The following NPPA variants were observed in gnomAD, a reference collection of about 807,000 sequenced individuals.
NPPA encodes the protein natriuretic peptide A.
In NPPA, 10 loss-of-function variants were observed where a neutral mutation model predicts 12.2. The ratio of observed to expected loss-of-function variants is 0.82; its 90% confidence interval spans 0.50 to 1.38. The LOEUF (loss-of-function observed/expected upper bound fraction) is 1.38, where lower values mean the gene tolerates loss of function less well. Ranked by LOEUF, NPPA falls within the 40% of genes most tolerant of loss-of-function variation. The pLI is 0.00. For missense variants in NPPA, 207 were observed against 193.5 expected (o/e 1.07, Z -0.41); for synonymous variants, 85 against 80.2 (o/e 1.06, Z -0.32).
Position 11,847,384 on chromosome 1 carries a change from G to T in NPPA, c.179C>A (p.Pro60Gln), listed in dbSNP as rs779265393. 1.2e-6 allele frequency: 2 copies of T among 1,614,022 alleles called. No homozygotes were observed. Among genetic ancestry groups the T allele is most frequent in the Non-Finnish European group, 8.5e-7 (1 of 1,179,966 alleles). The change falls in exon 2 of 3, where the codon CCA (proline) becomes CAA (glutamine). Residue 60 changes from proline to glutamine, a missense_variant. Pro to Gln is a moderately conservative substitution (Grantham distance 76, BLOSUM62 -1). Coordinates refer to ENST00000376480, the MANE Select transcript of NPPA (RefSeq NM_006172.4). ...TTCATTCGGCTCACTGAGCACTTGT[G>T]GGGGCACGACCTCATCTTCTAAAGG... ...KMPLEDEVVP[P>Q]QVLSEPNEEA...
chr1:11,845,837 C>G lies in NPPA; in HGVS notation c.*172G>C. ...GGAAGTCACCATCAAACCACTTTAT[C>G]TACAGTTAGCATAAGATGTGAGAAG... On this transcript the variant is annotated 3_prime_UTR_variant, in exon 3 of 3. Transcript: ENST00000376480. 1 of 706,650 alleles carries G rather than the reference C, an allele frequency of 1.4e-6. No individual in the cohort carries two copies. Among genetic ancestry groups the G allele is most frequent in the Non-Finnish European group, 2.6e-6 (1 of 385,712 alleles). 43.8% of individuals were successfully genotyped at this position (706,650 alleles called of 1,614,324 possible).
Position 11,847,582 on chromosome 1 carries a change from C to A in NPPA, c.103G>T (p.Ala35Ser). The stretch of plus-strand genomic sequence containing the variant: ...CCTACCTTGAAATCCATCAGGTCTG[C>A]GTTGGACACGGCATTGTACATGGGA... ...ANPMYNAVSN[A>S]DLMDFKNLLD... The change falls in exon 1 of 3, where the codon GCA becomes TCA. Residue 35 changes from alanine (A) to serine (S), a missense_variant. Transcript: ENST00000376480. 6.2e-7 allele frequency: 1 copy of A among 1,614,166 alleles called. No homozygotes were observed. The highest frequency in any genetic ancestry group is 8.5e-7 in the Non-Finnish European group (1 of 1,180,026).
At chr1:11,846,916 C>T (rs1459259950) in intron 2 of NPPA, among the ~76,000 whole-genome samples, 197 bp downstream of exon 2, 1 of 147,252 alleles carries the variant, frequency 6.8e-6, no homozygotes, top group African/African-American at 2.4e-5. Flanking sequence ...GCCCAGCCCC[C>T]CCCCCTTTTT....
intron 2 of NPPA, among the ~76,000 whole-genome samples, chr1:11,846,318 CTTTT>C (rs71568361): frequency 8.2e-6 from 1 of 121,342 alleles, no homozygotes; most frequent in Non-Finnish European, 1.7e-5. Context: ...GTGGCAGTTG[CTTTT>C]TTTTTTTTTT....
At chr1:11,846,920 C>A (rs948993775) in intron 2 of NPPA, among the ~76,000 whole-genome samples, 193 bp downstream of exon 2, 8 of 146,040 alleles carry the variant, frequency 5.5e-5, no homozygotes, top group South Asian at 4.6e-4. Flanking sequence ...AGCCCCCCCC[C>A]CTTTTTTTTT....
Position 11,847,393 on chromosome 1 carries a change from A to C in NPPA, c.170T>G (p.Val57Gly). The change falls in exon 2 of 3, where the codon GTC (valine) becomes GGC (glycine). Residue 57 changes from valine (V) to glycine (G), a missense_variant. Transcript: ENST00000376480. The part of the protein sequence containing the change: ...LEEKMPLEDE[V>G]VPPQVLSEPN... ...CTCACTGAGCACTTGTGGGGGCACG[A>C]CCTCATCTTCTAAAGGCATCTTTTC... 6.2e-7 allele frequency: 1 copy of C among 1,614,010 alleles called. No individual in the cohort carries two copies. Among genetic ancestry groups the C allele is most frequent in the Non-Finnish European group, 8.5e-7 (1 of 1,179,968 alleles).
chr1:11,847,761 T>A lies in NPPA; in HGVS notation c.-77A>T. 4 of 1,606,310 alleles carry A rather than the reference T, an allele frequency of 2.5e-6. No homozygotes were observed. Among genetic ancestry groups the A allele is most frequent in the Non-Finnish European group, 3.4e-6 (4 of 1,174,926 alleles). On this transcript the variant is annotated 5_prime_UTR_variant, in exon 1 of 3. Transcript: ENST00000376480. ...TGGTTCCTCTCTGGTTCCCCTCTCTTGGCCTACGTCTGTCCCTGTCTCCCA... is the reference window on the plus strand; with the variant it reads ...TGGTTCCTCTCTGGTTCCCCTCTCTAGGCCTACGTCTGTCCCTGTCTCCCA...
Position 11,847,180 on chromosome 1 carries a change from G to T in NPPA, c.383C>A (p.Ser128Tyr). 1 of 1,595,442 alleles carries T rather than the reference G, an allele frequency of 6.3e-7. No homozygotes were observed. Residue 128 changes from serine (S) to tyrosine (Y), a missense_variant, in exon 2 of 3, where the codon TCC (serine) becomes TAC (tyrosine). By Grantham distance (144) the Ser-to-Tyr change is moderately radical. Coordinates refer to ENST00000376480, the MANE Select transcript of NPPA (RefSeq NM_006172.4). ...LLTAPRSLRR[S>Y]SCFGGRMDRI... ...GTCCATCCTGCCCCCGAAGCAGCTG[G>T]ATCTCCGCAGGCTCCGAGGGGCAGT...
At chr1:11,846,412 C>T (rs141308438) in intron 2 of NPPA, among the ~76,000 whole-genome samples, 7,469 of 150,712 alleles carry the variant, frequency 0.05, 242 homozygotes, top group East Asian at 0.12. Flanking sequence ...CTCCGCCTCC[C>T]GGGTTCACGC....
Position 11,847,383 on chromosome 1 carries a change from T to C in NPPA, c.180A>G (p.Pro60=). The change falls in exon 2 of 3, where the codon CCA becomes CCG. Residue 60 remains proline, a synonymous_variant. Transcript: ENST00000376480. ...CTTCATTCGGCTCACTGAGCACTTG[T>C]GGGGGCACGACCTCATCTTCTAAAG... The part of the protein sequence containing the change: ...KMPLEDEVVP[P]QVLSEPNEEA... 1 of 1,614,012 alleles carries C rather than the reference T, an allele frequency of 6.2e-7. No homozygotes were observed. The highest frequency in any genetic ancestry group is 8.5e-7 in the Non-Finnish European group (1 of 1,179,972).
chr1:11,846,538 T>A (rs1645069773), intron 2 of NPPA, among the ~76,000 whole-genome samples: 1 of 151,474 alleles, frequency 6.6e-6, no homozygotes. Flanking sequence ...GCCAGGATGG[T>A]CTCCATCTCC....
rs1645075676 is a variant in NPPA, at chr1:11,847,299, G to A, written c.264C>T (p.Ser88=). The change falls in exon 2 of 3, where the codon AGC becomes AGT. Residue 88 remains serine, a synonymous_variant. Coordinates refer to ENST00000376480, the MANE Select transcript of NPPA (RefSeq NM_006172.4). ...GGGCACCTCCATCTCTCTGGGCTGG[G>A]CTGACTTCCCCGGTCCAGGGAGGCA... is the stretch of plus-strand genomic sequence containing the variant. ...PEVPPWTGEV[S]PAQRDGGALG... 3 of 1,613,664 alleles carry A rather than the reference G, an allele frequency of 1.9e-6. No homozygotes were observed. Among genetic ancestry groups the A allele is most frequent in the Admixed American group, 1.7e-5 (1 of 60,018 alleles).
rs201250969 is a variant in NPPA, at chr1:11,847,367, G to T, written c.196C>A (p.Pro66Thr). ...EVVPPQVLSE[P>T]NEEAGAALSP... Reference sequence around the variant, plus strand: ...AGAGCAGCCCCCGCTTCTTCATTCGGCTCACTGAGCACTTGTGGGGGCACG... The same window carrying T: ...AGAGCAGCCCCCGCTTCTTCATTCGTCTCACTGAGCACTTGTGGGGGCACG... The change falls in exon 2 of 3, where the codon CCG becomes ACG. Residue 66 changes from proline (P) to threonine (T), a missense_variant. By Grantham distance (38) the Pro-to-Thr change is conservative. Transcript: ENST00000376480. 1.0e-4 allele frequency: 164 copies of T among 1,613,810 alleles called. No individual in the cohort carries two copies. The highest frequency in any genetic ancestry group is 2.2e-5 in the South Asian group (2 of 91,090).
chr1:11,847,023 G>A (rs1385280004), intron 2 of NPPA, 90 bp downstream of exon 2: 1 of 1,246,740 alleles, frequency 8.0e-7, no homozygotes, highest in Non-Finnish European at 1.1e-6. Flanking sequence ...AACTTGAGAG[G>A]GAATGAGCTT....
Position 11,845,775 on chromosome 1 carries a change from C to T in NPPA, c.*234G>A. The T allele has an allele frequency of 1.4e-5, 8 of 591,400 alleles. No individual in the cohort carries two copies. Among genetic ancestry groups the T allele is most frequent in the Middle Eastern group, 4.6e-4 (1 of 2,194 alleles). The allele number at this position is 591,400 out of a possible 1,614,324, so 36.6% of individuals were successfully genotyped here. ...ACCACTTTCAGTAACAGGTGAGGTT[C>T]TACCTTAAAATTTAATGCATGGGGT... On this transcript the variant is annotated 3_prime_UTR_variant, in exon 3 of 3. Transcript: ENST00000376480.
In NPPA at chr1:11,845,845, A is replaced by G. The variant is rs1415264666; in HGVS notation, c.*164T>C. The stretch of plus-strand genomic sequence containing the variant: ...CCATCAAACCACTTTATCTACAGTT[A>G]GCATAAGATGTGAGAAGTGTTGACA... On this transcript the variant is annotated 3_prime_UTR_variant, in exon 3 of 3. Coordinates refer to ENST00000376480, the MANE Select transcript of NPPA (RefSeq NM_006172.4). 4.1e-6 allele frequency: 3 copies of G among 729,946 alleles called. No homozygotes were observed. The African/African-American group carries it at 5.2e-5, about 13-fold the overall frequency. 45.2% of individuals were successfully genotyped at this position (729,946 alleles called of 1,614,324 possible).
rs147081122 is a variant in NPPA, at chr1:11,847,211, G to T, written c.352C>A (p.Leu118Met). The T allele has an allele frequency of 9.8e-5, 158 of 1,611,164 alleles. No homozygotes were observed. The African/African-American group carries it at 1.9e-3, about 20-fold the overall frequency. Residue 118 changes from leucine (L) to methionine (M), a missense_variant, in exon 2 of 3, where the codon CTG becomes ATG. Leu to Met is a conservative substitution (Grantham distance 15). Transcript: ENST00000376480. ...CGCAGGCTCCGAGGGGCAGTGAGCA[G>T]CGCCCTCAGCTTGCTTTTTAGGAGG... ...SALLKSKLRA[L>M]LTAPRSLRRS...
intron 2 of NPPA, 39 bp downstream of exon 2, chr1:11,847,074 T>TG: frequency 6.7e-7 from 1 of 1,498,336 alleles, no homozygotes; most frequent in Non-Finnish European, 8.9e-7. Flanking sequence ...CTCCCAGTAG[T>TG]GTCCATCCCA....
chr1:11,846,496 A>G (rs1645069453), intron 2 of NPPA, among the ~76,000 whole-genome samples: 3 of 149,002 alleles, frequency 2.0e-5, no homozygotes, highest in African/African-American at 7.5e-5. Context: ...AATTTTTTGT[A>G]TTTTTAGTAG....
Sources: gnomAD v4.1 joint callset for allele counts (sites outside exome capture counted in the v4.1 genomes callset) on GRCh38, gnomAD v4.1.1 for gene constraint, MANE v1.5 for transcripts, NCBI Gene and HGNC (gene_info 2026-07-23, HGNC 2026-07-21) for gene names.